The following CCDC91 variants were observed in gnomAD, a reference collection of about 807,000 sequenced individuals.
CCDC91 encodes coiled-coil domain-containing protein 91.
CCDC91 carries 48 observed loss-of-function variants against 63.2 expected under a neutral mutation model. The ratio of observed to expected loss-of-function variants is 0.76; its 90% CI spans 0.60 to 0.97. CCDC91 has a LOEUF of 0.97. CCDC91 is among the 50% of genes least tolerant of loss of function. The probability of loss-of-function intolerance (pLI) is 0.00; values close to 1 mark genes in which losing one functional copy is unlikely to be tolerated. For missense variants in CCDC91, 500 were observed against 494.6 expected (o/e 1.01, Z -0.10); for synonymous variants, 167 against 165.8 (o/e 1.01, Z -0.06).
chr12:28,476,104 A>G (rs1370852192), intron 11 of CCDC91, among the ~76,000 whole-genome samples: 1 of 152,034 alleles, frequency 6.6e-6, no homozygotes, highest in Admixed American at 6.6e-5. Flanking sequence ...TTTCTTAGTA[A>G]GAATGGAATT....
intron 8 of CCDC91, among the ~76,000 whole-genome samples, chr12:28,446,037 C>G (rs554618531): frequency 2.7e-5 from 4 of 147,426 alleles, no homozygotes; most frequent in East Asian, 1.9e-4. Flanking sequence ...AATCTCTGAA[C>G]TCATAAAGGG....
intron 7 of CCDC91, among the ~76,000 whole-genome samples, chr12:28,374,630 C>G (rs1419352080): frequency 1.3e-5 from 2 of 152,046 alleles, no homozygotes; most frequent in African/African-American, 4.8e-5. Flanking sequence ...TTTTAAAGCT[C>G]CCAAATCATG....
intron 12 of CCDC91, among the ~76,000 whole-genome samples, chr12:28,544,970 T>TA (rs1304914477): frequency 6.6e-6 from 1 of 152,064 alleles, no homozygotes; most frequent in Non-Finnish European, 1.5e-5. Context: ...CTAAAAGGCT[T>TA]TCAGCAGTTA....
chr12:28,332,519 G>A (rs1279560620), intron 6 of CCDC91, among the ~76,000 whole-genome samples: 8 of 152,044 alleles, frequency 5.3e-5, no homozygotes, highest in Non-Finnish European at 1.0e-4. Flanking sequence ...ACCTTTCATA[G>A]GAATAAATTA....
intron 12 of CCDC91, among the ~76,000 whole-genome samples, chr12:28,519,472 G>T (rs1215565983): frequency 2.0e-5 from 3 of 151,624 alleles, no homozygotes; most frequent in African/African-American, 7.3e-5. Context: ...GAGTCTTTAG[G>T]GTTTTCTAGG....
chr12:28,243,622 G>T (rs1384893370), intron 1 of CCDC91, among the ~76,000 whole-genome samples: 1 of 152,036 alleles, frequency 6.6e-6, no homozygotes, highest in African/African-American at 2.4e-5. Context: ...GACATATACA[G>T]AATTCAATAT....
At chr12:28,545,711 G>C (rs943971127) in intron 12 of CCDC91, among the ~76,000 whole-genome samples, 18 of 152,028 alleles carry the variant, frequency 1.2e-4, no homozygotes, top group Admixed American at 1.1e-3. Flanking sequence ...TAATTCCTTG[G>C]TGACATCTAA....
At chr12:28,533,923 G>T (rs776954878) in intron 12 of CCDC91, among the ~76,000 whole-genome samples, 6 of 151,382 alleles carry the variant, frequency 4.0e-5, no homozygotes, top group African/African-American at 1.2e-4. Context: ...AAATGTTTTT[G>T]TTCATTAATT....
intron 1 of CCDC91, among the ~76,000 whole-genome samples, chr12:28,191,836 A>G (rs1261159005): frequency 1.3e-5 from 2 of 152,184 alleles, no homozygotes; most frequent in African/African-American, 2.4e-5. Context: ...GTGCACCTGC[A>G]TGGTGTTGGC....
At chr12:28,311,010 G>A (rs1233584558) in intron 6 of CCDC91, among the ~76,000 whole-genome samples, 1 of 151,940 alleles carries the variant, frequency 6.6e-6, no homozygotes, top group African/African-American at 2.4e-5. Context: ...TGGGTATTTT[G>A]TATGATACCT....
intron 11 of CCDC91, among the ~76,000 whole-genome samples, chr12:28,473,019 A>G (rs1476368900): frequency 6.6e-6 from 1 of 152,192 alleles, no homozygotes; most frequent in African/African-American, 2.4e-5. Context: ...AATGTTGATT[A>G]TAGTTCAAAT....
intron 1 of CCDC91, among the ~76,000 whole-genome samples, chr12:28,242,517 CA>C (rs1565660358): frequency 1.3e-5 from 2 of 152,086 alleles, no homozygotes; most frequent in African/African-American, 4.8e-5. Flanking sequence ...GCATGTTTCT[CA>C]GGGCCAGATG....
At chr12:28,292,604 A>G (rs1949319279) in intron 3 of CCDC91, among the ~76,000 whole-genome samples, 1 of 151,756 alleles carries the variant, frequency 6.6e-6, no homozygotes, top group Non-Finnish European at 1.5e-5. Context: ...CTCTAAGTAT[A>G]TGTTGGTGTG....
At chr12:28,397,886 T>C (rs1223140532) in intron 8 of CCDC91, among the ~76,000 whole-genome samples, 1 of 152,126 alleles carries the variant, frequency 6.6e-6, no homozygotes, top group Non-Finnish European at 1.5e-5. Flanking sequence ...TTGCCCATAA[T>C]GCCTTGTCAA....
At chr12:28,508,130 G>A (rs1307609666) in intron 12 of CCDC91, among the ~76,000 whole-genome samples, 3 of 151,900 alleles carry the variant, frequency 2.0e-5, no homozygotes, top group Non-Finnish European at 4.4e-5. Context: ...CAGGCTCTGA[G>A]TAGTGCGCCA....
chr12:28,325,336 T>G (rs1356723011), intron 6 of CCDC91, among the ~76,000 whole-genome samples: 1 of 152,096 alleles, frequency 6.6e-6, no homozygotes, highest in African/African-American at 2.4e-5. Flanking sequence ...AACAGGTTTA[T>G]TCATATATTT....
chr12:28,530,148 A>G (rs1011001319), intron 12 of CCDC91, among the ~76,000 whole-genome samples: 7 of 152,226 alleles, frequency 4.6e-5, no homozygotes, highest in African/African-American at 1.7e-4. Context: ...GCCTGTATCA[A>G]CAAACTGAGT....
At chr12:28,212,167 G>T (rs1407865366) in intron 1 of CCDC91, among the ~76,000 whole-genome samples, 1 of 152,154 alleles carries the variant, frequency 6.6e-6, no homozygotes, top group East Asian at 1.9e-4. Flanking sequence ...GCTCCTGGGG[G>T]TCGTTAGAAG....
chr12:28,337,874 T>G (rs1323204707), intron 6 of CCDC91, among the ~76,000 whole-genome samples: 2 of 152,074 alleles, frequency 1.3e-5, no homozygotes, highest in African/African-American at 4.8e-5. Flanking sequence ...TTTCTATAGT[T>G]TTTTTTATGC....
Sources: allele counts gnomAD v4.1 joint callset (sites outside exome capture counted in the v4.1 genomes callset), GRCh38; gene constraint gnomAD v4.1.1; transcripts MANE v1.5; gene names NCBI Gene and HGNC (gene_info 2026-07-23, HGNC 2026-07-21).